Variants in SCN8A observed in about 807,000 individuals in gnomAD.
SCN8A encodes sodium channel protein type 8 subunit alpha.
In SCN8A, 30 loss-of-function variants were observed where a neutral mutation model predicts 184.1. The ratio of observed to expected loss-of-function variants is 0.16; its 90% CI spans 0.12 to 0.22. The LOEUF (loss-of-function observed/expected upper bound fraction) is 0.22. Ranked by LOEUF, SCN8A falls within the 10% of genes least tolerant of loss-of-function variation. SCN8A has a pLI of 1.00. For missense variants in SCN8A, 1,057 were observed against 2,498.9 expected (o/e 0.42, Z 12.30); for synonymous variants, 852 against 907.0 (o/e 0.94, Z 1.09).
At chr12:51,726,897 A>C (rs1942163761) in intron 12 of SCN8A, among the ~76,000 whole-genome samples, 1 of 152,188 alleles carries the variant, frequency 6.6e-6, no homozygotes, top group South Asian at 2.1e-4. Flanking sequence ...GCAAAACACT[A>C]TGCAAATTTG....
chr12:51,788,764 G>A lies in SCN8A; in HGVS notation c.4281+16G>A, dbSNP rs1380418839. 9 of 1,604,378 alleles carry A rather than the reference G, an allele frequency of 5.6e-6. No homozygotes were observed. Among genetic ancestry groups the A allele is most frequent in the Non-Finnish European group, 7.7e-6 (9 of 1,174,866 alleles). ...TTCCCGGAAGGTAAGGATGTACATG[G>A]CGAAAATACCACCTTCTCAGATGGC... On this transcript the variant is annotated intron_variant, in intron 23 of 26. Transcript: ENST00000627620.
intron 1 of SCN8A, among the ~76,000 whole-genome samples, chr12:51,604,823 GTA>G: frequency 6.6e-6 from 1 of 151,992 alleles, no homozygotes; most frequent in African/African-American, 2.4e-5. Flanking sequence ...ATGAGCCACT[GTA>G]CCAGGCTCCA....
At chr12:51,750,757 GGTCCCACA>G (rs1942582931) in intron 13 of SCN8A, among the ~76,000 whole-genome samples, 1 of 152,080 alleles carries the variant, frequency 6.6e-6, no homozygotes, top group Admixed American at 6.5e-5. Context: ...ACTTGTTCAC[GGTCCCACA>G]GTTAGCAAGT....
intron 1 of SCN8A, among the ~76,000 whole-genome samples, chr12:51,649,284 C>T (rs927887725): frequency 6.6e-5 from 10 of 152,152 alleles, no homozygotes; most frequent in East Asian, 1.9e-4. Context: ...CTTTTCCAAG[C>T]GAACAATGCA....
chr12:51,623,168 A>C (rs1436272334), intron 1 of SCN8A, among the ~76,000 whole-genome samples: 1 of 152,126 alleles, frequency 6.6e-6, no homozygotes, highest in Non-Finnish European at 1.5e-5. Context: ...AGTTCTTTTT[A>C]TTGGAGAAAC....
intron 1 of SCN8A, among the ~76,000 whole-genome samples, chr12:51,597,296 C>G (rs942101219): frequency 6.6e-6 from 1 of 152,080 alleles, no homozygotes; most frequent in African/African-American, 2.4e-5. Flanking sequence ...GGGCATGTCC[C>G]AGGATCTGGA....
chr12:51,678,343 G>C lies in SCN8A; in HGVS notation c.277-5831G>C, dbSNP rs193275655. ...ATCAAGCACTGTTGACCCTGGACTTGACAGACTTCAACATAAGGAAGCAGA... is the reference window on the plus strand; with the variant it reads ...ATCAAGCACTGTTGACCCTGGACTTCACAGACTTCAACATAAGGAAGCAGA... On this transcript the variant is annotated intron_variant, in intron 2 of 26. Coordinates refer to ENST00000627620, the MANE Select transcript of SCN8A (RefSeq NM_001330260.2). Among the ~76,000 whole-genome samples the C allele has an allele frequency of 9.8e-5, 15 of 152,350 alleles. No homozygotes were observed. In the East Asian group the frequency reaches 2.9e-3, roughly 29 times the overall value.
At chr12:51,640,414 T>C (rs1375710019) in intron 1 of SCN8A, among the ~76,000 whole-genome samples, 1 of 151,846 alleles carries the variant, frequency 6.6e-6, no homozygotes, top group African/African-American at 2.4e-5. Context: ...GGTATGCCTG[T>C]ACTTTAAAGT....
chr12:51,735,180 C>A (rs1039498053), intron 12 of SCN8A, among the ~76,000 whole-genome samples: 1 of 152,078 alleles, frequency 6.6e-6, no homozygotes, highest in Non-Finnish European at 1.5e-5. Flanking sequence ...GAACTTTTGC[C>A]GTACTTTTTG....
At chr12:51,644,517 G>A (rs1000652612) in intron 1 of SCN8A, among the ~76,000 whole-genome samples, 56 of 152,196 alleles carry the variant, frequency 3.7e-4, no homozygotes, top group African/African-American at 1.1e-3. Flanking sequence ...TACTTCAGAC[G>A]GAGTCTCGTT....
At chr12:51,714,790 A>G (rs1348118311) in intron 11 of SCN8A, among the ~76,000 whole-genome samples, 2 of 152,224 alleles carry the variant, frequency 1.3e-5, no homozygotes, top group African/African-American at 4.8e-5. Flanking sequence ...TGCAAAAGTT[A>G]CACTCTCAAA....
chr12:51,716,033 T>C (rs1941958989), intron 11 of SCN8A, among the ~76,000 whole-genome samples: 1 of 152,136 alleles, frequency 6.6e-6, no homozygotes, highest in Non-Finnish European at 1.5e-5. Context: ...TAAAGAACTG[T>C]TGTAAAAAGT....
At chr12:51,735,647 T>G (rs1942312619) in intron 12 of SCN8A, among the ~76,000 whole-genome samples, 1 of 152,208 alleles carries the variant, frequency 6.6e-6, no homozygotes, top group East Asian at 1.9e-4. Context: ...CTCTGACAGC[T>G]TCTTGATCTG....
chr12:51,706,203 T>C (rs1941780357), intron 10 of SCN8A, among the ~76,000 whole-genome samples: 1 of 152,218 alleles, frequency 6.6e-6, no homozygotes, highest in African/African-American at 2.4e-5. Flanking sequence ...TCTGAAATGC[T>C]CAAGAGAATA....
chr12:51,705,418 C>T lies in SCN8A; in HGVS notation c.1136C>T (p.Thr379Ile), dbSNP rs761124273. The T allele has an allele frequency of 3.1e-6, 5 of 1,613,662 alleles. No homozygotes were observed. In the African/African-American group the frequency reaches 5.3e-5, roughly 17 times the overall value. The change falls in exon 10 of 27, where the codon ACT becomes ATT. Residue 379 changes from threonine (T) to isoleucine (I), a missense_variant and splice_region_variant. Physicochemically the swap from Thr to Ile is moderately conservative, Grantham distance 89 (BLOSUM62 -1). Coordinates refer to ENST00000627620, the MANE Select transcript of SCN8A (RefSeq NM_001330260.2). ...QDYWENLYQL[T>I]LRAAGKTYMI... is the part of the protein sequence containing the mutation. Reference sequence around the variant, plus strand: ...AGAAAATGGCCTTTGTCTTTGCAGACTTTACGAGCAGCCGGGAAAACATAC... The same window carrying T: ...AGAAAATGGCCTTTGTCTTTGCAGATTTTACGAGCAGCCGGGAAAACATAC...
chr12:51,614,142 A>T (rs961340714), intron 1 of SCN8A, among the ~76,000 whole-genome samples: 1 of 152,108 alleles, frequency 6.6e-6, no homozygotes, highest in Non-Finnish European at 1.5e-5. Context: ...TAAGAAAGGA[A>T]AATTGACTAT....
At position 51,809,247 on chromosome 12, in the gene SCN8A, G is replaced by T. The variant is rs1435447531; in HGVS notation, c.*1818G>T. 6.6e-6 allele frequency: 1 copy of T among 152,180 alleles called. No homozygotes were observed. The highest frequency in any genetic ancestry group is 1.5e-5 in the Non-Finnish European group (1 of 68,028). The allele number at this position is 152,180 out of a possible 1,614,324, so 9.4% of individuals were successfully genotyped here. A position where few individuals can be genotyped will look rare whatever the true frequency, so the allele number is the denominator to read the frequency against. On this transcript the variant is annotated 3_prime_UTR_variant, in exon 27 of 27. Coordinates refer to ENST00000627620, the MANE Select transcript of SCN8A (RefSeq NM_001330260.2). The stretch of plus-strand genomic sequence containing the variant: ...ATTTCAAAGCCAAGATGCTGCAGTT[G>T]AATGTGTCAGGAAGTCTCTATACAA...
At chr12:51,747,819 C>T (rs1041779736) in intron 13 of SCN8A, among the ~76,000 whole-genome samples, 2 of 151,520 alleles carry the variant, frequency 1.3e-5, no homozygotes, top group African/African-American at 4.9e-5. Flanking sequence ...CTCTTTCTGT[C>T]CTGCTGTGCT....
chr12:51,660,819 T>C (rs1315873196), intron 1 of SCN8A, among the ~76,000 whole-genome samples: 4 of 151,898 alleles, frequency 2.6e-5, no homozygotes, highest in Non-Finnish European at 1.5e-5. Context: ...CATGGTGGAG[T>C]GCTGTAGGAG....
Sources: gnomAD v4.1 joint callset for allele counts (sites outside exome capture counted in the v4.1 genomes callset) on GRCh38, gnomAD v4.1.1 for gene constraint, MANE v1.5 for transcripts, NCBI Gene and HGNC (gene_info 2026-07-23, HGNC 2026-07-21) for gene names.